The following CACNA1E variants were observed in gnomAD, a reference collection of about 807,000 sequenced individuals.
CACNA1E encodes voltage-dependent R-type calcium channel subunit alpha-1E.
CACNA1E carries 40 observed loss-of-function variants against 259.2 expected under a neutral mutation model. That is an observed-to-expected ratio of 0.15 (90% confidence interval 0.12 to 0.20). CACNA1E has a LOEUF of 0.20. Ranked by LOEUF, CACNA1E falls within the 10% of genes least tolerant of loss-of-function variation. The pLI, the probability that CACNA1E is intolerant of heterozygous loss-of-function variation, is 1.00. For missense variants in CACNA1E, 1,874 were observed against 3,040.1 expected, an observed-to-expected ratio of 0.62 and a Z score of 9.02; for synonymous variants, 1,104 against 1,138.5, an observed-to-expected ratio of 0.97 and a Z score of 0.61.
chr1:181,724,716 A>G (rs1156388683), intron 17 of CACNA1E, among the ~76,000 whole-genome samples, 179 bp downstream of exon 17: 1 of 152,162 alleles, frequency 6.6e-6, no homozygotes, highest in Non-Finnish European at 1.5e-5. Flanking sequence ...GTTCACTTTT[A>G]TTGAGTTTGG....
intron 1 of CACNA1E, among the ~76,000 whole-genome samples, chr1:181,389,378 C>G (rs886671760): frequency 6.6e-6 from 1 of 152,188 alleles, no homozygotes; most frequent in Non-Finnish European, 1.5e-5. Context: ...CTGAATTCAA[C>G]TGAGAAAGAG....
intron 1 of CACNA1E, among the ~76,000 whole-genome samples, chr1:181,410,846 A>T (rs981491656): frequency 6.6e-6 from 1 of 152,196 alleles, no homozygotes; most frequent in African/African-American, 2.4e-5. Flanking sequence ...CCATTGAAAT[A>T]GTCTTTGTTT....
chr1:181,621,894 C>T (rs976119011), intron 6 of CACNA1E, among the ~76,000 whole-genome samples: 1 of 152,116 alleles, frequency 6.6e-6, no homozygotes, highest in Non-Finnish European at 1.5e-5. Context: ...AGTTACTGAG[C>T]CAGCTTTGTC....
Position 181,781,466 on chromosome 1 carries a change from T to A in CACNA1E, c.5307T>A (p.Thr1769=), listed in dbSNP as rs1440185837. ...ACACTGAGATGTATGAAATGCTGAC[T>A]CTCATGTCACCTCCGCTAGGCCTCG... ...IHYTEMYEML[T]LMSPPLGLGK... Residue 1769 remains threonine (T), a synonymous_variant, in exon 39 of 48, where the codon ACT becomes ACA. Transcript: ENST00000367573. 1 of 1,598,514 alleles carries A rather than the reference T, an allele frequency of 6.3e-7. No individual in the cohort carries two copies. The highest frequency in any genetic ancestry group is 1.3e-5 in the African/African-American group (1 of 74,708).
intron 33 of CACNA1E, among the ~76,000 whole-genome samples, 155 bp downstream of exon 33, chr1:181,762,812 G>A (rs1185717059): frequency 1.3e-5 from 2 of 152,234 alleles, no homozygotes; most frequent in African/African-American, 2.4e-5. Context: ...GCATCAGCCA[G>A]GGAATGCAAA....
chr1:181,637,453 TC>T (rs1657344410), intron 6 of CACNA1E, among the ~76,000 whole-genome samples: 2 of 106,056 alleles, frequency 1.9e-5, no homozygotes, highest in African/African-American at 3.7e-5. Context: ...CCTCCCTCCC[TC>T]CCTTCCTCCT....
At chr1:181,422,179 C>G (rs1658797225) in intron 2 of CACNA1E, among the ~76,000 whole-genome samples, 1 of 152,214 alleles carries the variant, frequency 6.6e-6, no homozygotes, top group Non-Finnish European at 1.5e-5. Context: ...AAATAGACAC[C>G]TGGTCACTGT....
chr1:181,668,407 T>G (rs576961934), intron 7 of CACNA1E, among the ~76,000 whole-genome samples: 1 of 152,312 alleles, frequency 6.6e-6, no homozygotes, highest in East Asian at 1.9e-4. Flanking sequence ...GACATGTGAA[T>G]TTTTTTCAGT....
intron 2 of CACNA1E, among the ~76,000 whole-genome samples, chr1:181,423,635 T>A (rs1359557618): frequency 9.3e-5 from 14 of 150,818 alleles, no homozygotes; most frequent in Admixed American, 2.0e-4. Flanking sequence ...TGAAGCTTTA[T>A]GGGTGAATTT....
chr1:181,719,595 C>T (rs1227615175), intron 12 of CACNA1E, among the ~76,000 whole-genome samples, 156 bp from the exon 13 acceptor site: 1 of 152,132 alleles, frequency 6.6e-6, no homozygotes, highest in Non-Finnish European at 1.5e-5. Flanking sequence ...GGCAGCTTCC[C>T]ACATAGGTAG....
chr1:181,774,690 C>G (rs992286231), intron 37 of CACNA1E, among the ~76,000 whole-genome samples: 8 of 152,216 alleles, frequency 5.3e-5, no homozygotes, highest in Non-Finnish European at 1.2e-4. Context: ...TTAGGTATGA[C>G]CAGCAGTCTC....
Position 181,485,881 on chromosome 1 carries a change from C to T in CACNA1E, c.266+1871C>T, listed in dbSNP as rs937197939. ...GCGGTAGACAAAGCCGCCCAACCGC[C>T]CCGCGGGTGGCAAAGTGTGCCAGCA... On this transcript the variant is annotated intron_variant, in intron 1 of 47. Coordinates refer to ENST00000367573, the MANE Select transcript of CACNA1E (RefSeq NM_001205293.3). The surrounding 1 kb of genome is among the most constrained non-coding windows in gnomAD (Gnocchi z 4.2). Among the ~76,000 whole-genome samples the T allele has an allele frequency of 1.3e-5, 2 of 152,346 alleles. No individual in the cohort carries two copies. The highest frequency in any genetic ancestry group is 1.9e-4 in the East Asian group (1 of 5,176).
chr1:181,481,189 A>G (rs1663207309), upstream of CACNA1E, among the ~76,000 whole-genome samples: 2 of 152,192 alleles, frequency 1.3e-5, no homozygotes, highest in South Asian at 4.1e-4. Context: ...ATGTGAAATC[A>G]AAGTAACAAT....
intron 7 of CACNA1E, among the ~76,000 whole-genome samples, chr1:181,681,379 G>C (rs1013684091): frequency 3.9e-5 from 6 of 152,130 alleles, no homozygotes; most frequent in Non-Finnish European, 7.4e-5. Flanking sequence ...GGCCATCTTG[G>C]GGGGCCTCTG....
At chr1:181,564,941 C>T (rs1206738883) in intron 3 of CACNA1E, among the ~76,000 whole-genome samples, 1 of 151,576 alleles carries the variant, frequency 6.6e-6, no homozygotes, top group Admixed American at 6.6e-5. Flanking sequence ...ATTCAGGAAA[C>T]CATGCTGTAA....
chr1:181,757,323 C>G (rs1226993420), intron 30 of CACNA1E, among the ~76,000 whole-genome samples, 197 bp downstream of exon 30: 1 of 152,188 alleles, frequency 6.6e-6, no homozygotes, highest in Non-Finnish European at 1.5e-5. Flanking sequence ...GCACGGAGAT[C>G]TGGAAGATAT....
chr1:181,528,831 G>A (rs1572111288), intron 3 of CACNA1E, among the ~76,000 whole-genome samples: 1 of 152,180 alleles, frequency 6.6e-6, no homozygotes, highest in Non-Finnish European at 1.5e-5. Flanking sequence ...GTTGGGTGCT[G>A]TTAAAAGCAT....
At chr1:181,498,354 A>G (rs929415287) in intron 1 of CACNA1E, among the ~76,000 whole-genome samples, 2 of 152,222 alleles carry the variant, frequency 1.3e-5, no homozygotes, top group African/African-American at 4.8e-5. Context: ...TGAAGATTCT[A>G]GCTTTTCTTT....
intron 3 of CACNA1E, among the ~76,000 whole-genome samples, chr1:181,558,602 A>G (rs1648986470): frequency 1.3e-5 from 2 of 152,230 alleles, no homozygotes; most frequent in South Asian, 2.1e-4. Flanking sequence ...GGGCACCTGC[A>G]GGAAACCAAA....
Sources: gnomAD v4.1 joint callset for allele counts (sites outside exome capture counted in the v4.1 genomes callset) on GRCh38, gnomAD v4.1.1 for gene constraint, Gnocchi (gnomAD v3.1) non-coding constraint, MANE v1.5 for transcripts, NCBI Gene and HGNC (gene_info 2026-07-23, HGNC 2026-07-21) for gene names.